Variants in NEK10 observed in about 807,000 individuals in gnomAD.
NEK10 encodes serine/threonine-protein kinase Nek10.
Under a neutral mutation model 159.8 loss-of-function variants are expected in NEK10, and 122 were observed. The ratio of observed to expected loss-of-function variants is 0.76; its 90% confidence interval spans 0.66 to 0.89. The LOEUF (loss-of-function observed/expected upper bound fraction) is 0.89, where lower values mean the gene tolerates loss of function less well. Ranked by LOEUF, NEK10 falls within the 40% of genes least tolerant of loss-of-function variation. The pLI is 0.00. For missense variants in NEK10, 1,342 were observed against 1,323.1 expected (o/e 1.01, Z -0.22); for synonymous variants, 466 against 457.1 (o/e 1.02, Z -0.25).
intron 30 of NEK10, among the ~76,000 whole-genome samples, chr3:27,161,994 G>A (rs1409811219): frequency 6.6e-6 from 1 of 150,618 alleles, no homozygotes; most frequent in Non-Finnish European, 1.5e-5. Context: ...GACAAAGTGA[G>A]ATTCTGTCTC....
At chr3:27,300,269 T>G (rs568656993) in intron 13 of NEK10, among the ~76,000 whole-genome samples, 1 of 152,290 alleles carries the variant, frequency 6.6e-6, no homozygotes, top group East Asian at 1.9e-4. Context: ...GTTTTTAAAA[T>G]GTTTTTTTTG....
chr3:27,109,098 GCTGGGCACA>G lies in NEK10; in HGVS notation c.*2165_*2173del. ...TCACCTAAAAGAGTTACATGCAATGGCTGGGCACAGTGGCTCACGCCTCTAATCCCAGCA... is the reference window on the plus strand; with the variant it reads ...TCACCTAAAAGAGTTACATGCAATGGGTGGCTCACGCCTCTAATCCCAGCA... On this transcript the variant is annotated 3_prime_UTR_variant, in exon 36 of 36. Transcript: ENST00000691995. Among the ~76,000 whole-genome samples, 1 of 152,288 alleles carries G rather than the reference GCTGGGCACA, an allele frequency of 6.6e-6. No homozygotes were observed. The highest frequency in any genetic ancestry group is 2.4e-5 in the African/African-American group (1 of 41,572).
At position 27,283,973 on chromosome 3, in the gene NEK10, G is replaced by A. The variant is rs560800656; in HGVS notation, c.2014+629C>T. Among the ~76,000 whole-genome samples the A allele has an allele frequency of 1.1e-4, 16 of 152,294 alleles. No individual in the cohort carries two copies. The South Asian group carries it at 3.3e-3, about 32-fold the overall frequency. ...ATTGATTTTGGAATTAAATACTTAA[G>A]TATTCTAAGAGTACTTCATTCCCTC... is the stretch of plus-strand genomic sequence containing the variant. On this transcript the variant is annotated intron_variant, in intron 22 of 35. Transcript: ENST00000691995.
intron 5 of NEK10, among the ~76,000 whole-genome samples, chr3:27,337,671 A>C (rs1283940967): frequency 6.6e-6 from 1 of 152,200 alleles, no homozygotes; most frequent in Non-Finnish European, 1.5e-5. Flanking sequence ...TTGATTTTTA[A>C]CAAAGGCACC....
rs577257820 is a variant in NEK10, at chr3:27,283,824, G to T, written c.2014+778C>A. On this transcript the variant is annotated intron_variant, in intron 22 of 35. Coordinates refer to ENST00000691995, the MANE Select transcript of NEK10 (RefSeq NM_001394966.1). ...CTAGAGGATTTATAGCCCTCCATATGTACATTTGTCACTCATAAGGCACAG... is the reference window on the plus strand; with the variant it reads ...CTAGAGGATTTATAGCCCTCCATATTTACATTTGTCACTCATAAGGCACAG... 5.3e-5 allele frequency among the ~76,000 whole-genome samples: 8 copies of T among 152,224 alleles called. No homozygotes were observed. In the South Asian group the frequency reaches 1.7e-3, roughly 32 times the overall value.
Position 27,290,661 on chromosome 3 carries a change from T to C in NEK10, c.1699A>G (p.Ser567Gly). ...FGKDKKDRDS[S>G]VRNIVSELTI... ...AATTCAGAAACAATATTCCTTACGCTGCTGTCTCGATCTTTCTTATCCTTT... is the reference window on the plus strand; with the variant it reads ...AATTCAGAAACAATATTCCTTACGCCGCTGTCTCGATCTTTCTTATCCTTT... Residue 567 changes from serine to glycine, a missense_variant, in exon 19 of 36, where the codon AGC becomes GGC. By Grantham distance (56) the Ser-to-Gly change is moderately conservative. Transcript: ENST00000691995. 1 of 1,608,404 alleles carries C rather than the reference T, an allele frequency of 6.2e-7. No homozygotes were observed. The highest frequency in any genetic ancestry group is 8.5e-7 in the Non-Finnish European group (1 of 1,175,826).
intron 25 of NEK10, chr3:27,194,597 C>T (rs545344393): frequency 6.6e-6 from 1 of 151,322 alleles, no homozygotes; most frequent in Admixed American, 6.6e-5. Context: ...AGAAGGATAC[C>T]TTATTCAATT....
chr3:27,203,406 C>A (rs903564641), intron 23 of NEK10, among the ~76,000 whole-genome samples: 1 of 152,192 alleles, frequency 6.6e-6, no homozygotes, highest in South Asian at 2.1e-4. Context: ...GAAATTGCCA[C>A]ACAATTTAAA....
chr3:27,299,809 C>A (rs2149528953), intron 13 of NEK10, among the ~76,000 whole-genome samples: 1 of 152,334 alleles, frequency 6.6e-6, no homozygotes, highest in South Asian at 2.1e-4. Context: ...GGATTCTGGA[C>A]TTGCTTGGGG....
At chr3:27,185,719 C>A (rs1366008184) in intron 26 of NEK10, among the ~76,000 whole-genome samples, 1 of 152,158 alleles carries the variant, frequency 6.6e-6, no homozygotes, top group Non-Finnish European at 1.5e-5. Flanking sequence ...ATATCAGCAT[C>A]CCTGGCTGCT....
chr3:27,323,583 C>T (rs1230312088), intron 5 of NEK10, among the ~76,000 whole-genome samples: 1 of 150,922 alleles, frequency 6.6e-6, no homozygotes, highest in Non-Finnish European at 1.5e-5. Context: ...GTGTATTTGC[C>T]ACAGGTCTGT....
chr3:27,328,277 C>A (rs1324500979), intron 5 of NEK10, among the ~76,000 whole-genome samples: 1 of 152,182 alleles, frequency 6.6e-6, no homozygotes, highest in Non-Finnish European at 1.5e-5. Context: ...CACTTGTACT[C>A]ATGGAGCTTA....
chr3:27,175,589 G>T (rs7653795), intron 26 of NEK10, among the ~76,000 whole-genome samples: 2 of 152,042 alleles, frequency 1.3e-5, no homozygotes, highest in African/African-American at 4.8e-5. Context: ...GAGAAAGACC[G>T]TGCGGAAGGA....
chr3:27,293,412 A>T (rs1457096587), intron 16 of NEK10, among the ~76,000 whole-genome samples, 176 bp downstream of exon 16: 1 of 152,226 alleles, frequency 6.6e-6, no homozygotes, highest in Non-Finnish European at 1.5e-5. Flanking sequence ...GTGTGGCTGG[A>T]TACTGAATCA....
chr3:27,162,269 C>T (rs1946083158), intron 30 of NEK10: 2 of 1,010,398 alleles, frequency 2.0e-6, no homozygotes, highest in African/African-American at 1.6e-5. Flanking sequence ...AATATTTCAA[C>T]CAACAGTGAA....
chr3:27,215,157 A>G, intron 23 of NEK10: 1 of 332,824 alleles, frequency 3.0e-6, no homozygotes. Context: ...CATCAAAATT[A>G]GTCTTAATCT....
At chr3:27,367,760 A>ACAT (rs1332242922) in intron 1 of NEK10, among the ~76,000 whole-genome samples, 9 of 152,234 alleles carry the variant, frequency 5.9e-5, no homozygotes, top group African/African-American at 9.6e-5. Context: ...TAATCAAGCA[A>ACAT]CATACAGAAA....
intron 23 of NEK10, among the ~76,000 whole-genome samples, chr3:27,224,046 A>G (rs1952384365): frequency 6.6e-6 from 1 of 152,210 alleles, no homozygotes; most frequent in South Asian, 2.1e-4. Context: ...TCAAGTTAAG[A>G]TGAGGTCATA....
rs189613530 is a variant in NEK10 at position 27,340,490 on chromosome 3, G to A, written c.362+3782C>T. Among the ~76,000 whole-genome samples, 433 of 152,158 alleles carry A rather than the reference G, an allele frequency of 2.8e-3. 3 individuals are homozygous for A. The highest frequency in any genetic ancestry group is 9.9e-3 in the African/African-American group (409 of 41,506). On this transcript the variant is annotated intron_variant, in intron 5 of 35. Transcript: ENST00000691995. ...GTATACCTATGTAACAAACCTGCAC[G>A]TTCTGAACATGTATACCAGAACTTA...
Sources: allele counts gnomAD v4.1 joint callset (sites outside exome capture counted in the v4.1 genomes callset), GRCh38; gene constraint gnomAD v4.1.1; transcripts MANE v1.5; gene names NCBI Gene and HGNC (gene_info 2026-07-23, HGNC 2026-07-21).